The following RAD51B variants were observed in gnomAD, a reference collection of about 807,000 sequenced individuals.
RAD51B encodes RAD51 paralog B, also known as DNA repair protein RAD51 homolog 2.
RAD51B carries 38 observed loss-of-function variants against 42.2 expected under a neutral mutation model. That is an observed-to-expected ratio of 0.90 (90% CI 0.70 to 1.18). RAD51B has a LOEUF of 1.18. RAD51B is among the 50% of genes most tolerant of loss of function. The pLI is 0.00. For synonymous variants in RAD51B, 154 were observed against 145.2 expected, an observed-to-expected ratio of 1.06 and a Z score of -0.43; for missense variants, 373 against 400.7, an observed-to-expected ratio of 0.93 and a Z score of 0.59.
intron 4 of RAD51B, among the ~76,000 whole-genome samples, chr14:67,861,086 G>C (rs562174574): frequency 1.3e-5 from 2 of 152,088 alleles, no homozygotes; most frequent in Non-Finnish European, 2.9e-5. Flanking sequence ...CCAGCCGCTT[G>C]AGTGGTGGAG....
At chr14:68,613,600 C>T (rs1322033327), downstream of RAD51B, among the ~76,000 whole-genome samples, 2 of 151,952 alleles carry the variant, frequency 1.3e-5, no homozygotes, top group Non-Finnish European at 2.9e-5. Context: ...ACTACAGGAG[C>T]CCACCACCAC....
At position 68,509,883 on chromosome 14, in the gene RAD51B, C is replaced by A. The variant is rs577461392; in HGVS notation, c.1036+41633C>A. ...TGACCAGTCGGCCATGGTTTGCTTACCCCTGCTTTAGCTTATGGGGGGTGC... is the reference window on the plus strand; with the variant it reads ...TGACCAGTCGGCCATGGTTTGCTTAACCCTGCTTTAGCTTATGGGGGGTGC... On this transcript the variant is annotated intron_variant, in intron 10 of 10. Transcript: ENST00000487270. 2.7e-4 allele frequency among the ~76,000 whole-genome samples: 41 copies of A among 152,350 alleles called. No individual in the cohort carries two copies. The East Asian group carries it at 7.3e-3, about 27-fold the overall frequency.
At chr14:68,028,560 C>A (rs1278863623) in intron 7 of RAD51B, among the ~76,000 whole-genome samples, 1 of 152,156 alleles carries the variant, frequency 6.6e-6, no homozygotes, top group African/African-American at 2.4e-5. Context: ...CCCTGGGGTG[C>A]CGGGACTAAC....
chr14:68,646,110 A>G (rs1023637183), intron 10 of RAD51B, among the ~76,000 whole-genome samples: 2 of 151,916 alleles, frequency 1.3e-5, no homozygotes, highest in African/African-American at 2.4e-5. Context: ...CATACGTACT[A>G]TTCCCAGGAA....
intron 7 of RAD51B, among the ~76,000 whole-genome samples, chr14:68,079,161 A>G (rs2076877529): frequency 6.6e-6 from 1 of 152,234 alleles, no homozygotes; most frequent in Non-Finnish European, 1.5e-5. Flanking sequence ...TTTTTCCAAA[A>G]TAATCATTCT....
At chr14:67,865,341 A>T (rs1169795463) in intron 5 of RAD51B, among the ~76,000 whole-genome samples, 5 of 149,496 alleles carry the variant, frequency 3.3e-5, no homozygotes, top group Non-Finnish European at 7.4e-5. Flanking sequence ...GGTTCAAGCG[A>T]TTCTCCTGCC....
Position 67,846,243 on chromosome 14 carries a change from C to T in RAD51B, c.315+11047C>T, listed in dbSNP as rs530271766. ...GGTGGTGTTGGCGCATGGGGTAGTG[C>T]GGTGCTGGCAGGTACAGGGCTGCCA... is the stretch of plus-strand genomic sequence containing the variant. On this transcript the variant is annotated intron_variant, in intron 4 of 10. Transcript: ENST00000471583. Among the ~76,000 whole-genome samples, 10 of 152,202 alleles carry T rather than the reference C, an allele frequency of 6.6e-5. No homozygotes were observed. The East Asian group carries it at 7.7e-4, about 12-fold the overall frequency.
At chr14:68,430,856 T>G (rs2084984840) in intron 9 of RAD51B, among the ~76,000 whole-genome samples, 1 of 152,108 alleles carries the variant, frequency 6.6e-6, no homozygotes, top group Admixed American at 6.5e-5. Flanking sequence ...CTTCCAGTTT[T>G]TGCCCATTCA....
intron 8 of RAD51B, among the ~76,000 whole-genome samples, chr14:68,303,772 G>A (rs1339993714): frequency 2.0e-5 from 3 of 152,172 alleles, no homozygotes; most frequent in African/African-American, 2.4e-5. Context: ...AACATCAGGC[G>A]AGCCCTCCAT....
At chr14:68,385,496 C>A (rs577694183) in intron 8 of RAD51B, among the ~76,000 whole-genome samples, 9 of 152,282 alleles carry the variant, frequency 5.9e-5, no homozygotes, top group African/African-American at 1.9e-4. Flanking sequence ...AGAAGAAGAG[C>A]CCATATGGCA....
chr14:68,456,407 CA>C (rs1407963491), intron 9 of RAD51B, among the ~76,000 whole-genome samples: 2 of 151,912 alleles, frequency 1.3e-5, no homozygotes, highest in Non-Finnish European at 2.9e-5. Context: ...ACATGTCATG[CA>C]AACAGTAAAG....
intron 7 of RAD51B, among the ~76,000 whole-genome samples, chr14:67,965,121 T>C (rs2074744537): frequency 6.6e-6 from 1 of 152,162 alleles, no homozygotes; most frequent in South Asian, 2.1e-4. Flanking sequence ...TCCTAGTAAG[T>C]AGTTCAACCA....
intron 8 of RAD51B, among the ~76,000 whole-genome samples, chr14:68,398,558 C>T (rs2083994414): frequency 6.6e-6 from 1 of 152,138 alleles, no homozygotes; most frequent in South Asian, 2.1e-4. Flanking sequence ...CCCAGGCTAT[C>T]AGCCGCCCCT....
At chr14:68,105,520 G>A (rs923333831) in intron 7 of RAD51B, among the ~76,000 whole-genome samples, 4 of 151,784 alleles carry the variant, frequency 2.6e-5, no homozygotes, top group East Asian at 1.9e-4. Context: ...GGAGAATTTT[G>A]CATTATTTTA....
intron 7 of RAD51B, among the ~76,000 whole-genome samples, chr14:68,039,891 G>T (rs759980291): frequency 1.3e-5 from 2 of 152,136 alleles, no homozygotes; most frequent in African/African-American, 4.8e-5. Flanking sequence ...ACCTAAGAAT[G>T]GTGTTACACT....
chr14:67,856,309 G>C (rs922799312), intron 4 of RAD51B, among the ~76,000 whole-genome samples: 2 of 151,926 alleles, frequency 1.3e-5, no homozygotes, highest in African/African-American at 4.8e-5. Context: ...TTAAGATCAA[G>C]GTTTCTTTCA....
intron 8 of RAD51B, among the ~76,000 whole-genome samples, chr14:68,317,653 C>T (rs1164262219): frequency 6.6e-6 from 1 of 152,138 alleles, no homozygotes; most frequent in Non-Finnish European, 1.5e-5. Flanking sequence ...GTCCATCACT[C>T]CTTCCAGTTA....
rs2078625773 is a variant in RAD51B, at chr14:68,160,888, T to C, written c.757-130996T>C. ...TTCATTGGCTTGATTGTTGGTAACA[T>C]TGCATGGTAATTACATAGTCATTTT... is the stretch of plus-strand genomic sequence containing the variant. On this transcript the variant is annotated intron_variant, in intron 7 of 10. Transcript: ENST00000471583. Among the ~76,000 whole-genome samples, 5 of 152,348 alleles carry C rather than the reference T, an allele frequency of 3.3e-5. 1 individual carries two copies. Among genetic ancestry groups the C allele is most frequent in the South Asian group, 4.1e-4 (2 of 4,828 alleles).
At chr14:68,261,006 C>T (rs143076553) in intron 7 of RAD51B, among the ~76,000 whole-genome samples, 1 of 152,350 alleles carries the variant, frequency 6.6e-6, no homozygotes, top group African/African-American at 2.4e-5. Context: ...CAGACTTGGG[C>T]TAGAATGCTC....
Sources: gnomAD v4.1 joint callset for allele counts (sites outside exome capture counted in the v4.1 genomes callset) on GRCh38, gnomAD v4.1.1 for gene constraint, MANE v1.5 for transcripts, NCBI Gene and HGNC (gene_info 2026-07-23, HGNC 2026-07-21) for gene names.